The following P2RY11 variants were observed in gnomAD, a reference collection of about 807,000 sequenced individuals.
P2RY11 encodes the protein P2Y purinoceptor 11.
P2RY11 carries 3 observed loss-of-function variants against 2.4 expected under a neutral mutation model. The observed-to-expected ratio is 1.22, with a 90% CI of 0.56 to 3.17. The LOEUF (loss-of-function observed/expected upper bound fraction) is 3.17. Ranked by LOEUF, P2RY11 falls within the 30% of genes most tolerant of loss-of-function variation. The probability of loss-of-function intolerance (pLI) is 0.03; values close to 1 mark genes in which losing one functional copy is unlikely to be tolerated. For missense variants in P2RY11, 670 were observed against 528.2 expected, an observed-to-expected ratio of 1.27 and a Z score of -2.63; for synonymous variants, 307 against 237.3, an observed-to-expected ratio of 1.29 and a Z score of -2.70.
At position 10,115,170 on chromosome 19, in the gene P2RY11, CACCCCAAG is replaced by C; in HGVS notation, c.*439_*446del. ...GTGGCAGGTATAAGACTTCTGGGGG[CACCCCAAG>C]ACCCCAGACACCCAAGTGGCATCTT... On this transcript the variant is annotated 3_prime_UTR_variant, in exon 2 of 2. Coordinates refer to ENST00000321826, the MANE Select transcript of P2RY11 (RefSeq NM_002566.5). 1 of 1,610,170 alleles carries C rather than the reference CACCCCAAG, an allele frequency of 6.2e-7. No homozygotes were observed. Among genetic ancestry groups the C allele is most frequent in the East Asian group, 2.2e-5 (1 of 44,810 alleles).
At position 10,114,184 on chromosome 19, in the gene P2RY11, T is replaced by C; in HGVS notation, c.571T>C (p.Cys191Arg). Reference protein sequence around the residue: ...SVARPEACIKCLGTADHGLAA... With the variant: ...SVARPEACIKRLGTADHGLAA... ...GGCCAGGCCCGAGGCCTGCATCAAG[T>C]GTCTGGGGACAGCAGACCACGGGCT... The change falls in exon 2 of 2, where the codon TGT (cysteine) becomes CGT (arginine). Residue 191 changes from cysteine to arginine, a missense_variant. By Grantham distance (180) the Cys-to-Arg change is radical. Coordinates refer to ENST00000321826, the MANE Select transcript of P2RY11 (RefSeq NM_002566.5). The C allele has an allele frequency of 6.2e-7, 1 of 1,600,930 alleles. No individual in the cohort carries two copies. The highest frequency in any genetic ancestry group is 8.5e-7 in the Non-Finnish European group (1 of 1,179,534).
rs1568490895 is a variant in P2RY11, at chr19:10,113,938, T to C, written c.325T>C (p.Phe109Leu). ...CGCGTGCCGCCTGGAGCGCTTCCTCTTCACCTGCAACCTGCTGGGCAGCGT... is the reference window on the plus strand; with the variant it reads ...CGCGTGCCGCCTGGAGCGCTTCCTCCTCACCTGCAACCTGCTGGGCAGCGT... ...EAACRLERFL[F>L]TCNLLGSVIF... Residue 109 changes from phenylalanine (F) to leucine (L), a missense_variant, in exon 2 of 2, where the codon TTC becomes CTC. Coordinates refer to ENST00000321826, the MANE Select transcript of P2RY11 (RefSeq NM_002566.5). 2 of 1,603,032 alleles carry C rather than the reference T, an allele frequency of 1.2e-6. No homozygotes were observed. The highest frequency in any genetic ancestry group is 1.7e-6 in the Non-Finnish European group (2 of 1,179,866).
chr19:10,111,820 C>G, intron 1 of P2RY11, 80 bp downstream of exon 1: 2 of 1,543,128 alleles, frequency 1.3e-6, no homozygotes, highest in Non-Finnish European at 1.8e-6. Flanking sequence ...GGTAAAACAC[C>G]TAGGTCTGGG....
In P2RY11 at chr19:10,114,987, G is replaced by A; in HGVS notation, c.*249G>A. On this transcript the variant is annotated 3_prime_UTR_variant, in exon 2 of 2. Coordinates refer to ENST00000321826, the MANE Select transcript of P2RY11 (RefSeq NM_002566.5). ...AGGCACTGGCCCCCGCCACAGGACT[G>A]GAGACGCAAGAACAAAAAGAACCAA... The A allele has an allele frequency of 6.7e-7, 1 of 1,488,858 alleles. No homozygotes were observed. The highest frequency in any genetic ancestry group is 9.2e-7 in the Non-Finnish European group (1 of 1,086,184). 92.2% of individuals were successfully genotyped at this position (1,488,858 alleles called of 1,614,324 possible). A position where few individuals can be genotyped will look rare whatever the true frequency, so the allele number is the denominator to read the frequency against.
At chr19:10,112,004 G>C (rs2089098769) in intron 1 of P2RY11, 1 of 439,242 alleles carries the variant, frequency 2.3e-6, no homozygotes, top group South Asian at 2.5e-5. Flanking sequence ...CAGCTACTCG[G>C]GAGGCTGAGA....
rs2089209405 is a variant in P2RY11, at chr19:10,114,825, C to T, written c.*87C>T. ...CCCGAGCCCCGACACATCCCTTCCC[C>T]CAAAAAGCAACACCTGTGCTTGCAG... On this transcript the variant is annotated 3_prime_UTR_variant, in exon 2 of 2. Transcript: ENST00000321826. 6.6e-7 allele frequency: 1 copy of T among 1,516,866 alleles called. No homozygotes were observed. Among genetic ancestry groups the T allele is most frequent in the Non-Finnish European group, 8.8e-7 (1 of 1,136,214 alleles). The allele number at this position is 1,516,866 out of a possible 1,614,324, so 94.0% of individuals were successfully genotyped here.
chr19:10,115,024 G>A lies in P2RY11; in HGVS notation c.*286G>A, dbSNP rs938476079. On this transcript the variant is annotated 3_prime_UTR_variant, in exon 2 of 2. Coordinates refer to ENST00000321826, the MANE Select transcript of P2RY11 (RefSeq NM_002566.5). ...ACAAAAAGAACCAAGTAGAGAGAGT[G>A]GAGCTGCTTTATTGCCCTTGGAGCC... 1.0e-5 allele frequency: 16 copies of A among 1,574,418 alleles called. No individual in the cohort carries two copies. Among genetic ancestry groups the A allele is most frequent in the African/African-American group, 5.4e-5 (4 of 74,354 alleles).
chr19:10,114,180 C>T lies in P2RY11; in HGVS notation c.567C>T (p.Ile189=), dbSNP rs147653271. The T allele has an allele frequency of 3.7e-6, 6 of 1,600,888 alleles. No individual in the cohort carries two copies. Among genetic ancestry groups the T allele is most frequent in the African/African-American group, 2.7e-5 (2 of 74,922 alleles). The change falls in exon 2 of 2, where the codon ATC becomes ATT. Residue 189 remains isoleucine, a synonymous_variant. Transcript: ENST00000321826. ...NCSVARPEAC[I]KCLGTADHGL... is the part of the protein sequence containing the mutation. ...GCGTGGCCAGGCCCGAGGCCTGCAT[C>T]AAGTGTCTGGGGACAGCAGACCACG...
intron 1 of P2RY11, among the ~76,000 whole-genome samples, chr19:10,113,181 C>T (rs2089153012): frequency 2.0e-5 from 3 of 152,170 alleles, no homozygotes; most frequent in Non-Finnish European, 2.9e-5. Context: ...CCAGCGCTCG[C>T]GGGTGCTCTC....
chr19:10,114,789 T>C lies in P2RY11; in HGVS notation c.*51T>C, dbSNP rs759202912. 3.0e-5 allele frequency: 47 copies of C among 1,549,582 alleles called. No individual in the cohort carries two copies. The highest frequency in any genetic ancestry group is 3.8e-5 in the Non-Finnish European group (44 of 1,147,626). ...CACCCTAGGTGTTGCTGGAGAACCCTGAGGGCAGGGCCCGAGCCCCGACAC... is the reference window on the plus strand; with the variant it reads ...CACCCTAGGTGTTGCTGGAGAACCCCGAGGGCAGGGCCCGAGCCCCGACAC... On this transcript the variant is annotated 3_prime_UTR_variant, in exon 2 of 2. Transcript: ENST00000321826.
At chr19:10,113,070 C>T (rs1391722858) in intron 1 of P2RY11, among the ~76,000 whole-genome samples, 3 of 133,626 alleles carry the variant, frequency 2.2e-5, no homozygotes, top group Non-Finnish European at 4.8e-5. Flanking sequence ...GTATGGCGGG[C>T]GGGAGCGCTC....
At chr19:10,112,052 A>G (rs1599316602) in intron 1 of P2RY11, 14 of 315,354 alleles carry the variant, frequency 4.4e-5, no homozygotes, top group Admixed American at 1.9e-4. Context: ...GGAGGTTGCC[A>G]TGAGCCGAGA....
chr19:10,115,029 T>G lies in P2RY11; in HGVS notation c.*291T>G. ...AAGAACCAAGTAGAGAGAGTGGAGC[T>G]GCTTTATTGCCCTTGGAGCCCGCGC... On this transcript the variant is annotated 3_prime_UTR_variant, in exon 2 of 2. Coordinates refer to ENST00000321826, the MANE Select transcript of P2RY11 (RefSeq NM_002566.5). 6.3e-7 allele frequency: 1 copy of G among 1,584,486 alleles called. No homozygotes were observed. The highest frequency in any genetic ancestry group is 8.6e-7 in the Non-Finnish European group (1 of 1,159,168).
In P2RY11 at chr19:10,114,266, T is replaced by C. The variant is rs1045577567; in HGVS notation, c.653T>C (p.Leu218Pro). 9 of 1,598,558 alleles carry C rather than the reference T, an allele frequency of 5.6e-6. No homozygotes were observed. Among genetic ancestry groups the C allele is most frequent in the African/African-American group, 2.7e-5 (2 of 74,998 alleles). Residue 218 changes from leucine to proline, a missense_variant, in exon 2 of 2, where the codon CTG becomes CCG. Physicochemically the swap from Leu to Pro is moderately conservative, Grantham distance 98. Transcript: ENST00000321826. ...GCGGGGTTGGGCTGCGGCCTGCCGC[T>C]GCTGCTCACGCTGGCAGCCTACGGC... ...VLAGLGCGLPLLLTLAAYGAL... is the reference protein window; with the variant it reads ...VLAGLGCGLPPLLTLAAYGAL...
rs2089167239 is a variant in P2RY11, at chr19:10,113,663, C to T, written c.50C>T (p.Ala17Val). ...GAKSCPANFL[A>V]AADDKLSGFQ... is the part of the protein sequence containing the mutation. ...AAGTCCTGCCCTGCCAACTTCTTGG[C>T]AGCTGCCGACGACAAACTCAGTGGG... Residue 17 changes from alanine (A) to valine (V), a missense_variant, in exon 2 of 2, where the codon GCA (alanine) becomes GTA (valine). By Grantham distance (64) the Ala-to-Val change is moderately conservative (BLOSUM62 0). Coordinates refer to ENST00000321826, the MANE Select transcript of P2RY11 (RefSeq NM_002566.5). The T allele has an allele frequency of 6.2e-7, 1 of 1,612,558 alleles. No individual in the cohort carries two copies. Among genetic ancestry groups the T allele is most frequent in the African/African-American group, 1.3e-5 (1 of 74,898 alleles).
chr19:10,113,471 C>A (rs1310093082), intron 1 of P2RY11, among the ~76,000 whole-genome samples, 162 bp from the exon 2 acceptor site: 6 of 152,140 alleles, frequency 3.9e-5, no homozygotes, highest in African/African-American at 1.4e-4. Flanking sequence ...TGGCTCTGAG[C>A]CTCAATCCTG....
At position 10,113,172 on chromosome 19, in the gene P2RY11, C is replaced by T. The variant is rs775050059; in HGVS notation, c.20-461C>T. Among the ~76,000 whole-genome samples the T allele has an allele frequency of 5.9e-5, 9 of 152,180 alleles. No individual in the cohort carries two copies. The South Asian group carries it at 1.0e-3, about 17-fold the overall frequency. On this transcript the variant is annotated intron_variant, in intron 1 of 1. Coordinates refer to ENST00000321826, the MANE Select transcript of P2RY11 (RefSeq NM_002566.5). ...GAAGCAAAAGGATGGGGCAGGACTC[C>T]AGCGCTCGCGGGTGCTCTCTGGTGG...
chr19:10,111,891 C>T (rs1007657270), intron 1 of P2RY11, 151 bp downstream of exon 1: 1 of 838,440 alleles, frequency 1.2e-6, no homozygotes, highest in Non-Finnish European at 1.9e-6. Flanking sequence ...GGGGGTGGAA[C>T]ACGAGGTCAG....
At position 10,114,905 on chromosome 19, in the gene P2RY11, G is replaced by T. The variant is rs2089211182; in HGVS notation, c.*167G>T. 1 of 1,403,376 alleles carries T rather than the reference G, an allele frequency of 7.1e-7. No individual in the cohort carries two copies. The highest frequency in any genetic ancestry group is 9.6e-7 in the Non-Finnish European group (1 of 1,040,222). The allele number at this position is 1,403,376 out of a possible 1,614,324, so 86.9% of individuals were successfully genotyped here. On this transcript the variant is annotated 3_prime_UTR_variant, in exon 2 of 2. Transcript: ENST00000321826. ...GGAGCAGTCGCCTTTCCCACCCACAGCGCTGGCCACAGGGCTCCCTGCAGG... is the reference window on the plus strand; with the variant it reads ...GGAGCAGTCGCCTTTCCCACCCACATCGCTGGCCACAGGGCTCCCTGCAGG...
Sources: gnomAD v4.1 joint callset for allele counts (sites outside exome capture counted in the v4.1 genomes callset) on GRCh38, gnomAD v4.1.1 for gene constraint, MANE v1.5 for transcripts, NCBI Gene and HGNC (gene_info 2026-07-23, HGNC 2026-07-21) for gene names.